Variants in GCSAML observed in about 807,000 individuals in gnomAD.
The protein encoded by GCSAML is germinal center associated signaling and motility like.
GCSAML carries 9 observed loss-of-function variants against 13.0 expected under a neutral mutation model. The observed-to-expected ratio is 0.69, with a 90% confidence interval of 0.42 to 1.21. The LOEUF is 1.21. Ranked by LOEUF, GCSAML falls within the 50% of genes most tolerant of loss-of-function variation. The probability of loss-of-function intolerance (pLI) is 0.00; values close to 1 mark genes in which losing one functional copy is unlikely to be tolerated. For missense variants in GCSAML, 143 were observed against 153.4 expected (o/e 0.93, Z 0.36); for synonymous variants, 37 against 52.9 (o/e 0.70, Z 1.31).
At chr1:247,569,975 T>A (rs920419251) in intron 4 of GCSAML, among the ~76,000 whole-genome samples, 6 of 152,248 alleles carry the variant, frequency 3.9e-5, no homozygotes, top group African/African-American at 1.4e-4. Flanking sequence ...TTCTTCTAGA[T>A]TTTCTAGTTT....
At chr1:247,548,961 TGC>T, upstream of GCSAML, 5 of 1,028,464 alleles carry the variant, frequency 4.9e-6, no homozygotes, top group Non-Finnish European at 6.9e-6. This position sits in a 1 kb window ranked among gnomAD's most constrained non-coding sequence, Gnocchi z 5.3. Context: ...TGTGTGTGTG[TGC>T]GTGCAGGCAC....
chr1:247,563,557 G>C, intron 2 of GCSAML, 33 bp from the exon 3 acceptor site: 1 of 1,372,110 alleles, frequency 7.3e-7, no homozygotes, highest in South Asian at 1.2e-5. Context: ...GGAGAACCTG[G>C]AGTATCTCAT....
chr1:247,541,109 G>A (rs145028148), intron 2 of GCSAML, among the ~76,000 whole-genome samples: 17 of 152,084 alleles, frequency 1.1e-4, no homozygotes, highest in African/African-American at 3.1e-4. Flanking sequence ...TACCCATTTG[G>A]TCATAGTTTT....
intron 1 of GCSAML, among the ~76,000 whole-genome samples, chr1:247,511,451 G>C (rs1666034246): frequency 6.6e-6 from 1 of 151,926 alleles, no homozygotes; most frequent in Non-Finnish European, 1.5e-5. Context: ...CACACAGATG[G>C]GTCTTGACTC....
At chr1:247,535,503 G>T (rs903642946) in intron 2 of GCSAML, among the ~76,000 whole-genome samples, 4 of 152,156 alleles carry the variant, frequency 2.6e-5, no homozygotes, top group African/African-American at 9.7e-5. Flanking sequence ...AAAACAACAG[G>T]TTAAACTGAC....
At chr1:247,536,550 C>T (rs562935796) in intron 2 of GCSAML, 1 of 152,216 alleles carries the variant, frequency 6.6e-6, no homozygotes, top group South Asian at 2.1e-4. Flanking sequence ...GACATAAAGT[C>T]CTTATAATTC....
rs1668825019 is a variant in GCSAML at position 247,576,089 on chromosome 1, G to A, written c.*1707G>A. The A allele has an allele frequency of 6.6e-6, 1 of 152,132 alleles. No individual in the cohort carries two copies. The highest frequency in any genetic ancestry group is 1.5e-5 in the Non-Finnish European group (1 of 68,026). The allele number at this position is 152,132 out of a possible 1,614,324, so 9.4% of individuals were successfully genotyped here. A position where few individuals can be genotyped will look rare whatever the true frequency, so the allele number is the denominator to read the frequency against. ...GAGAGAGTTGGAAAATGGGATTCAA[G>A]TCTAATCATAAAATTCACTTATGTT... On this transcript the variant is annotated 3_prime_UTR_variant, in exon 5 of 5. Transcript: ENST00000366488.
At chr1:247,511,480 CTG>C (rs1160457268) in intron 1 of GCSAML, among the ~76,000 whole-genome samples, 2 of 152,120 alleles carry the variant, frequency 1.3e-5, no homozygotes, top group Admixed American at 1.3e-4. Context: ...ACTTGCCAGT[CTG>C]TGTCTTTTAA....
In GCSAML at chr1:247,576,544, C is replaced by CA. The variant is rs112293237; in HGVS notation, c.*2175dup. The CA allele has an allele frequency of 0.011, 1,568 of 136,506 alleles. 25 individuals are homozygous for CA. The highest frequency in any genetic ancestry group is 0.037 in the African/African-American group (1,376 of 37,216). The allele number at this position is 136,506 out of a possible 1,614,324, so 8.5% of individuals were successfully genotyped here. On this transcript the variant is annotated 3_prime_UTR_variant, in exon 5 of 5. Transcript: ENST00000366488. ...TGGGCAACAGAGTGAGACCCTGTCT[C>CA]AAAAAAAAAAAAAGTTTCAGATTTT...
intron 1 of GCSAML, among the ~76,000 whole-genome samples, chr1:247,552,184 C>T (rs1405399709): frequency 6.6e-6 from 1 of 152,186 alleles, no homozygotes; most frequent in Non-Finnish European, 1.5e-5. Context: ...AGAGCTGCTT[C>T]TGAGGCTTTT....
chr1:247,540,911 A>G lies in GCSAML; in HGVS notation c.-147-8134A>G, dbSNP rs188582690. Among the ~76,000 whole-genome samples, 5 of 152,344 alleles carry G rather than the reference A, an allele frequency of 3.3e-5. No individual in the cohort carries two copies. In the East Asian group the frequency reaches 9.6e-4, roughly 29 times the overall value. ...GGAAAAAAACTCAAGAGCCTTTGAGAAAGTTGTAATGTCTTGCATATCCTC... is the reference window on the plus strand; with the variant it reads ...GGAAAAAAACTCAAGAGCCTTTGAGGAAGTTGTAATGTCTTGCATATCCTC... On this transcript the variant is annotated intron_variant, in intron 2 of 5. Coordinates refer to the GCSAML transcript ENST00000366489.
intron 2 of GCSAML, chr1:247,528,933 T>C (rs563494029): frequency 3.2e-4 from 49 of 152,248 alleles, no homozygotes; most frequent in African/African-American, 1.2e-3. Context: ...GTAGATAAGA[T>C]GACTCATCTA....
At chr1:247,571,130 C>CTGA (rs1668595066) in intron 4 of GCSAML, among the ~76,000 whole-genome samples, 1 of 152,192 alleles carries the variant, frequency 6.6e-6, no homozygotes, top group South Asian at 2.1e-4. Flanking sequence ...ATACAGCACA[C>CTGA]TGATGGATCT....
At chr1:247,512,466 C>A (rs1403814845) in intron 1 of GCSAML, among the ~76,000 whole-genome samples, 1 of 152,046 alleles carries the variant, frequency 6.6e-6, no homozygotes, top group East Asian at 1.9e-4. Flanking sequence ...GCTCCTTTAG[C>A]TCAGAGGAGT....
chr1:247,537,029 A>C (rs1430524229), intron 2 of GCSAML, among the ~76,000 whole-genome samples: 1 of 152,194 alleles, frequency 6.6e-6, no homozygotes, highest in Non-Finnish European at 1.5e-5. Context: ...AGTGGAATTA[A>C]GTTCTTTCAC....
At chr1:247,550,616 G>A (rs1290538298) in intron 1 of GCSAML, among the ~76,000 whole-genome samples, 1 of 151,756 alleles carries the variant, frequency 6.6e-6, no homozygotes, top group East Asian at 1.9e-4. Context: ...CAGCCTGGGC[G>A]ACAGAGCAAG....
intron 2 of GCSAML, among the ~76,000 whole-genome samples, chr1:247,540,172 C>G (rs767803449): frequency 3.3e-5 from 5 of 152,164 alleles, no homozygotes; most frequent in African/African-American, 4.8e-5. Context: ...CCCGGGATTA[C>G]AGGCATGTGC....
chr1:247,510,746 C>A (rs1006671905), intron 1 of GCSAML, among the ~76,000 whole-genome samples: 1 of 152,160 alleles, frequency 6.6e-6, no homozygotes, highest in South Asian at 2.1e-4. Flanking sequence ...GCCCTAATTT[C>A]ATTATTTACC....
At chr1:247,557,360 G>T (rs763535985) in intron 2 of GCSAML, among the ~76,000 whole-genome samples, 56 of 151,688 alleles carry the variant, frequency 3.7e-4, no homozygotes, top group Non-Finnish European at 1.5e-4. Flanking sequence ...ATGGAAAAAA[G>T]AAAAAAAATG....
Sources: gnomAD v4.1 joint callset for allele counts (sites outside exome capture counted in the v4.1 genomes callset) on GRCh38, gnomAD v4.1.1 for gene constraint, Gnocchi (gnomAD v3.1) non-coding constraint, MANE v1.5 for transcripts, NCBI Gene and HGNC (gene_info 2026-07-23, HGNC 2026-07-21) for gene names.